The following NPAS3 variants were observed in gnomAD, a reference collection of about 807,000 sequenced individuals.
NPAS3 encodes neuronal PAS domain protein 3, also known as neuronal PAS domain-containing protein 3.
Under a neutral mutation model 73.1 loss-of-function variants are expected in NPAS3, and 14 were observed. That is an observed-to-expected ratio of 0.19 (90% CI 0.13 to 0.30). The LOEUF is 0.30. NPAS3 is among the 10% of genes least tolerant of loss of function. The pLI is 1.00. For missense variants in NPAS3, 1,096 were observed against 1,250.0 expected (o/e 0.88, Z 1.86); for synonymous variants, 620 against 541.5 (o/e 1.14, Z -2.01).
At chr14:33,510,681 T>G (rs1314524770) in intron 4 of NPAS3, among the ~76,000 whole-genome samples, 1 of 152,074 alleles carries the variant, frequency 6.6e-6, no homozygotes, top group East Asian at 1.9e-4. Flanking sequence ...GCTTTTCAGG[T>G]GTAGTGCGTT....
chr14:33,672,404 G>GTTCT (rs1344869836), intron 5 of NPAS3, among the ~76,000 whole-genome samples: 11 of 151,878 alleles, frequency 7.2e-5, no homozygotes, highest in Non-Finnish European at 1.6e-4. Context: ...GCAAATATCC[G>GTTCT]TTCTTTATTC....
intron 9 of NPAS3, among the ~76,000 whole-genome samples, chr14:33,789,149 T>C (rs1414868472): frequency 6.6e-6 from 1 of 152,198 alleles, no homozygotes; most frequent in African/African-American, 2.4e-5. Flanking sequence ...CACTTACTCA[T>C]GGTATTGTAA....
At chr14:33,588,806 T>A (rs1276561815) in intron 5 of NPAS3, among the ~76,000 whole-genome samples, 1 of 152,114 alleles carries the variant, frequency 6.6e-6, no homozygotes, top group African/African-American at 2.4e-5. Flanking sequence ...TAGTAGCGAC[T>A]GGATTTCACC....
chr14:33,535,726 T>G (rs1566980608), intron 4 of NPAS3, among the ~76,000 whole-genome samples: 1 of 152,252 alleles, frequency 6.6e-6, no homozygotes, highest in Non-Finnish European at 1.5e-5. Flanking sequence ...GACGAATTAC[T>G]CTTAAAATTT....
intron 3 of NPAS3, among the ~76,000 whole-genome samples, chr14:33,324,779 C>T (rs1441219327): frequency 1.3e-5 from 2 of 151,958 alleles, no homozygotes; most frequent in Non-Finnish European, 2.9e-5. Flanking sequence ...CTCCTGAATA[C>T]TTGTTTTTGT....
chr14:33,613,547 A>G (rs1456817961), intron 5 of NPAS3, among the ~76,000 whole-genome samples: 1 of 152,012 alleles, frequency 6.6e-6, no homozygotes, highest in Non-Finnish European at 1.5e-5. Context: ...TTGGTGCTAC[A>G]TTCTGCTCCT....
chr14:33,776,653 G>T (rs1405729381), intron 8 of NPAS3, among the ~76,000 whole-genome samples: 2 of 147,506 alleles, frequency 1.4e-5, no homozygotes, highest in African/African-American at 5.0e-5. Context: ...TGTATGAAAG[G>T]TAATTGCATA....
chr14:33,508,664 C>G (rs1216418905), intron 4 of NPAS3, among the ~76,000 whole-genome samples: 1 of 151,954 alleles, frequency 6.6e-6, no homozygotes, highest in Non-Finnish European at 1.5e-5. Flanking sequence ...CTGCTTACAG[C>G]CAGGAAGGAG....
intron 4 of NPAS3, among the ~76,000 whole-genome samples, chr14:33,469,430 G>A (rs948947943): frequency 2.0e-5 from 3 of 152,010 alleles, no homozygotes; most frequent in Non-Finnish European, 4.4e-5. Context: ...CATTTTAGAG[G>A]TAAGAAAGTG....
At position 33,496,587 on chromosome 14, in the gene NPAS3, C is replaced by T. The variant is rs373381825; in HGVS notation, c.469-63534C>T. On this transcript the variant is annotated intron_variant, in intron 4 of 11. Transcript: ENST00000356141. The stretch of plus-strand genomic sequence containing the variant: ...ACGTAATCCATCACATAAACATAAC[C>T]AGTGACAAAAACCACATGATTATCT... Among the ~76,000 whole-genome samples, 7 of 152,238 alleles carry T rather than the reference C, an allele frequency of 4.6e-5. No homozygotes were observed. In the East Asian group the frequency reaches 1.4e-3, roughly 29 times the overall value.
chr14:33,517,047 TC>T (rs2053336134), intron 4 of NPAS3, among the ~76,000 whole-genome samples: 1 of 152,044 alleles, frequency 6.6e-6, no homozygotes, highest in Non-Finnish European at 1.5e-5. Flanking sequence ...ATTAAACAGT[TC>T]TGACATGGTT....
intron 2 of NPAS3, among the ~76,000 whole-genome samples, chr14:33,166,571 A>G (rs1336220669): frequency 1.3e-5 from 2 of 152,118 alleles, no homozygotes; most frequent in African/African-American, 2.4e-5. Context: ...TCAGTTCTCC[A>G]TAAATGCTTT....
intron 4 of NPAS3, among the ~76,000 whole-genome samples, chr14:33,530,626 C>T (rs2053997528): frequency 6.6e-6 from 1 of 152,080 alleles, no homozygotes; most frequent in Admixed American, 6.6e-5. Flanking sequence ...CTTTTCATTA[C>T]TAAGAAGCAG....
intron 5 of NPAS3, among the ~76,000 whole-genome samples, chr14:33,652,818 A>G (rs542520577): frequency 2.6e-5 from 4 of 152,308 alleles, no homozygotes; most frequent in Admixed American, 1.3e-4. Flanking sequence ...GTCCACTGCC[A>G]TTTATAGATT....
intron 2 of NPAS3, among the ~76,000 whole-genome samples, chr14:33,118,179 A>G (rs1038528125): frequency 6.6e-6 from 1 of 151,970 alleles, no homozygotes; most frequent in Non-Finnish European, 1.5e-5. Flanking sequence ...TGTATTTCAT[A>G]TACTCAAAAA....
At chr14:33,609,819 C>G (rs1462221112) in intron 5 of NPAS3, among the ~76,000 whole-genome samples, 2 of 152,172 alleles carry the variant, frequency 1.3e-5, no homozygotes, top group Admixed American at 6.5e-5. Context: ...AGCGCCGAGT[C>G]TCTGACTCTG....
chr14:33,188,319 C>T (rs2046052514), intron 2 of NPAS3, among the ~76,000 whole-genome samples: 1 of 152,218 alleles, frequency 6.6e-6, no homozygotes. Context: ...GTCTCTTCTG[C>T]TTCTCACTGT....
intron 4 of NPAS3, among the ~76,000 whole-genome samples, chr14:33,418,384 G>A (rs2048237960): frequency 6.6e-6 from 1 of 151,942 alleles, no homozygotes; most frequent in South Asian, 2.1e-4. Flanking sequence ...AAGCCTCCCA[G>A]GCTTGTATGC....
At chr14:33,195,144 A>G (rs538127893) in intron 2 of NPAS3, among the ~76,000 whole-genome samples, 24 of 152,262 alleles carry the variant, frequency 1.6e-4, no homozygotes, top group African/African-American at 5.8e-4. Context: ...GGAATGTTCC[A>G]AGGCATTATA....
Sources: allele counts gnomAD v4.1 joint callset (sites outside exome capture counted in the v4.1 genomes callset), GRCh38; gene constraint gnomAD v4.1.1; transcripts MANE v1.5; gene names NCBI Gene and HGNC (gene_info 2026-07-23, HGNC 2026-07-21).